DCP2: variants seen among roughly 807,000 people sequenced by gnomAD.
DCP2 encodes the protein m7GpppN-mRNA hydrolase.
A neutral mutation model predicts 56.1 loss-of-function variants in DCP2; 30 were observed. The observed-to-expected ratio is 0.53, with a 90% CI of 0.40 to 0.73. DCP2 has a LOEUF of 0.73. DCP2 is among the 30% of genes least tolerant of loss of function. DCP2 has a pLI of 0.00. For missense variants in DCP2, 533 were observed against 502.7 expected (o/e 1.06, Z -0.58); for synonymous variants, 197 against 163.3 (o/e 1.21, Z -1.57).
At position 112,992,066 on chromosome 5, in the gene DCP2, A is replaced by G. The variant is rs973008907; in HGVS notation, c.206-55A>G. On this transcript the variant is annotated intron_variant, in intron 2 of 10. Transcript: ENST00000389063. ...GATTTAAATGGGTCTCTTTCTGTAT[A>G]TAATTTCTCAAGCCATATTAAAGGA... is the stretch of plus-strand genomic sequence containing the variant. The G allele has an allele frequency of 3.1e-6, 5 of 1,590,758 alleles. No individual in the cohort carries two copies. In the East Asian group the frequency reaches 6.7e-5, roughly 21 times the overall value.
chr5:112,997,826 G>A (rs537803985), intron 4 of DCP2, among the ~76,000 whole-genome samples: 132 of 152,142 alleles, frequency 8.7e-4, no homozygotes, highest in African/African-American at 2.9e-3. Flanking sequence ...TGTTGGCCAG[G>A]CTGGTCTTGA....
At chr5:112,994,023 C>T (rs75623958) in intron 4 of DCP2, among the ~76,000 whole-genome samples, 2 of 151,858 alleles carry the variant, frequency 1.3e-5, no homozygotes, top group African/African-American at 2.4e-5. Flanking sequence ...GTTTGAACTT[C>T]TGAGGTCAAG....
At chr5:113,007,854 C>A in intron 8 of DCP2, 84 bp from the exon 9 acceptor site, 1 of 1,212,398 alleles carries the variant, frequency 8.2e-7, no homozygotes, top group Non-Finnish European at 1.1e-6. Context: ...TTGGTTCAAC[C>A]AGCTAAACAT....
rs1005221182 is a variant in DCP2, at chr5:113,021,132, C to T, written c.*7648C>T. 1.3e-5 allele frequency among the ~76,000 whole-genome samples: 2 copies of T among 152,122 alleles called. No homozygotes were observed. Among genetic ancestry groups the T allele is most frequent in the African/African-American group, 4.8e-5 (2 of 41,418 alleles). ...GCGGTGCTCATACCTGTAATCCCAGCACTTTGGGAGGCTGAGTTGGGTGGA... is the reference window on the plus strand; with the variant it reads ...GCGGTGCTCATACCTGTAATCCCAGTACTTTGGGAGGCTGAGTTGGGTGGA... On this transcript the variant is annotated 3_prime_UTR_variant, in exon 11 of 11. Coordinates refer to ENST00000389063, the MANE Select transcript of DCP2 (RefSeq NM_152624.6).
intron 9 of DCP2, among the ~76,000 whole-genome samples, chr5:113,008,984 G>C (rs1749563640): frequency 6.6e-6 from 1 of 151,908 alleles, no homozygotes; most frequent in Admixed American, 6.6e-5. Flanking sequence ...GCTGGGACTA[G>C]AGGTGTGCGC....
At chr5:113,009,264 C>G (rs1163335494) in intron 9 of DCP2, among the ~76,000 whole-genome samples, 2 of 152,174 alleles carry the variant, frequency 1.3e-5, no homozygotes, top group African/African-American at 4.8e-5. Context: ...ACAAAATACT[C>G]TCACATTTGT....
intron 4 of DCP2, among the ~76,000 whole-genome samples, chr5:112,999,761 C>G (rs1328940895): frequency 6.6e-6 from 1 of 151,548 alleles, no homozygotes; most frequent in Non-Finnish European, 1.5e-5. Flanking sequence ...TACTGAGTAA[C>G]TAGAAAAACA....
chr5:112,983,820 T>C (rs2150168895), intron 1 of DCP2, among the ~76,000 whole-genome samples: 1 of 152,294 alleles, frequency 6.6e-6, no homozygotes, highest in East Asian at 1.9e-4. Context: ...AAATTGCAAG[T>C]TGGAATTAAG....
Position 113,017,386 on chromosome 5 carries a change from C to CT in DCP2, c.*3903dup, listed in dbSNP as rs1455859640. 2 of 152,290 alleles carry CT rather than the reference C, an allele frequency of 1.3e-5. No homozygotes were observed. The highest frequency in any genetic ancestry group is 3.9e-4 in the East Asian group (2 of 5,188). 9.4% of individuals were successfully genotyped at this position (152,290 alleles called of 1,614,324 possible). On this transcript the variant is annotated 3_prime_UTR_variant, in exon 11 of 11. Transcript: ENST00000389063. ...GTAAAAACAATTTTGTCAAACAGTA[C>CT]TCCTGACAGCTTGGTAAAGTCTAGG...
chr5:112,986,161 C>T (rs1748274218), intron 2 of DCP2, among the ~76,000 whole-genome samples, 175 bp downstream of exon 2: 1 of 152,038 alleles, frequency 6.6e-6, no homozygotes, highest in Non-Finnish European at 1.5e-5. Flanking sequence ...TATTAATAAT[C>T]ATAATCATTA....
At chr5:112,995,871 C>T (rs1413332664) in intron 4 of DCP2, among the ~76,000 whole-genome samples, 5 of 152,228 alleles carry the variant, frequency 3.3e-5, no homozygotes, top group South Asian at 2.1e-4. Flanking sequence ...TATTTTGCAA[C>T]GGTTCTAGAC....
intron 4 of DCP2, among the ~76,000 whole-genome samples, chr5:112,994,101 C>T (rs367659294): frequency 4.0e-5 from 6 of 149,374 alleles, no homozygotes; most frequent in Admixed American, 6.7e-5. Context: ...TTGACTGGGC[C>T]TTAGTTTCTT....
intron 2 of DCP2, 98 bp downstream of exon 2, chr5:112,986,084 G>T: frequency 8.1e-7 from 1 of 1,238,452 alleles, no homozygotes; most frequent in Non-Finnish European, 1.1e-6. Flanking sequence ...AAAACTATTA[G>T]AGAAAAACAT....
intron 2 of DCP2, among the ~76,000 whole-genome samples, chr5:112,990,275 A>G (rs890735591): frequency 6.6e-6 from 1 of 152,148 alleles, no homozygotes; most frequent in Admixed American, 6.5e-5. Context: ...CTTACTAGCT[A>G]TGTATCCTTG....
At chr5:112,978,744 C>T (rs1402584705) in intron 1 of DCP2, among the ~76,000 whole-genome samples, 3 of 150,580 alleles carry the variant, frequency 2.0e-5, no homozygotes, top group East Asian at 1.9e-4. Context: ...AATGACTAGA[C>T]GCACATCAAC....
chr5:112,984,137 C>G (rs1748136322), intron 1 of DCP2: 1 of 152,056 alleles, frequency 6.6e-6, no homozygotes, highest in South Asian at 2.1e-4. Context: ...TAGAGGACAG[C>G]TGATCCAGAC....
chr5:113,015,769 C>G lies in DCP2; in HGVS notation c.*2285C>G, dbSNP rs1044093376. 7 of 152,634 alleles carry G rather than the reference C, an allele frequency of 4.6e-5. No homozygotes were observed. The highest frequency in any genetic ancestry group is 1.7e-4 in the African/African-American group (7 of 41,460). 9.5% of individuals were successfully genotyped at this position (152,634 alleles called of 1,614,324 possible). A position where few individuals can be genotyped will look rare whatever the true frequency, so the allele number is the denominator to read the frequency against. On this transcript the variant is annotated 3_prime_UTR_variant, in exon 11 of 11. Transcript: ENST00000389063. Reference sequence around the variant, plus strand: ...ACTTGTTTTAGGTACATCTACTATACTTATTCTCTCAAACCTGGGTAATAG... The same window carrying G: ...ACTTGTTTTAGGTACATCTACTATAGTTATTCTCTCAAACCTGGGTAATAG...
Position 113,013,479 on chromosome 5 carries a change from C to G in DCP2, c.1258C>G (p.Leu420Val), listed in dbSNP as rs770864919. Residue 420 changes from leucine to valine, a missense_variant, in exon 11 of 11, where the codon CTT (leucine) becomes GTT (valine). Transcript: ENST00000389063. ...TAATGCTATAATGAAAATCTTGGAC[C>G]TTTGATAGCAGCACATGTATTGTAA... ...DHNAIMKILD[L>V] The G allele has an allele frequency of 6.2e-7, 1 of 1,613,896 alleles. No homozygotes were observed. The highest frequency in any genetic ancestry group is 2.2e-5 in the East Asian group (1 of 44,872).
At chr5:113,010,160 G>A (rs1157712771) in intron 9 of DCP2, among the ~76,000 whole-genome samples, 1 of 150,278 alleles carries the variant, frequency 6.7e-6, no homozygotes, top group Non-Finnish European at 1.5e-5. Context: ...AGCCTCCAGA[G>A]TAGCTGGGAC....
Sources: gnomAD v4.1 joint callset for allele counts (sites outside exome capture counted in the v4.1 genomes callset) on GRCh38, gnomAD v4.1.1 for gene constraint, MANE v1.5 for transcripts, NCBI Gene and HGNC (gene_info 2026-07-23, HGNC 2026-07-21) for gene names.